The following NEK11 variants were observed in gnomAD, a reference collection of about 807,000 sequenced individuals.
The protein encoded by NEK11 is NIMA related kinase 11.
NEK11 carries 72 observed loss-of-function variants against 80.7 expected under a neutral mutation model. That is an observed-to-expected ratio of 0.89 (90% confidence interval 0.74 to 1.08). NEK11 has a LOEUF of 1.08. Among genes scored for constraint, NEK11 ranks in the 50% least tolerant of loss-of-function variants. NEK11 has a pLI of 0.00. For missense variants in NEK11, 764 were observed against 763.6 expected, an observed-to-expected ratio of 1.00 and a Z score of -0.01; for synonymous variants, 251 against 260.7, an observed-to-expected ratio of 0.96 and a Z score of 0.36.
At chr3:131,316,437 A>T (rs1410511837) in intron 17 of NEK11, among the ~76,000 whole-genome samples, 2 of 152,184 alleles carry the variant, frequency 1.3e-5, no homozygotes, top group Non-Finnish European at 2.9e-5. Flanking sequence ...AAGTGCCATC[A>T]TCCTAGGCAT....
chr3:131,062,068 C>A (rs1358500841), intron 3 of NEK11, among the ~76,000 whole-genome samples: 2 of 152,166 alleles, frequency 1.3e-5, no homozygotes, highest in Admixed American at 6.5e-5. Flanking sequence ...AAACAAACAA[C>A]AAATAAAACC....
chr3:131,330,712 A>T (rs1249285571), intron 17 of NEK11: 1 of 152,212 alleles, frequency 6.6e-6, no homozygotes, highest in African/African-American at 2.4e-5. Flanking sequence ...ACAGCACAAG[A>T]TTCCAACATG....
chr3:131,256,677 C>T (rs538456348), intron 16 of NEK11, among the ~76,000 whole-genome samples: 16 of 152,120 alleles, frequency 1.1e-4, no homozygotes, highest in South Asian at 4.1e-4. Context: ...TTTAGGAGGG[C>T]GTAACTGGAT....
chr3:131,046,560 G>A (rs1367431315), intron 3 of NEK11, among the ~76,000 whole-genome samples: 1 of 149,612 alleles, frequency 6.7e-6, no homozygotes, highest in Non-Finnish European at 1.5e-5. Flanking sequence ...TATGTATCTG[G>A]TTTCCAATAA....
chr3:131,156,839 A>C (rs2090728204), intron 10 of NEK11, among the ~76,000 whole-genome samples: 1 of 152,150 alleles, frequency 6.6e-6, no homozygotes, highest in Non-Finnish European at 1.5e-5. Context: ...GTGATTATTT[A>C]GCCTCTTTTT....
At chr3:131,084,722 T>A (rs1194793978) in intron 4 of NEK11, among the ~76,000 whole-genome samples, 1 of 152,132 alleles carries the variant, frequency 6.6e-6, no homozygotes, top group African/African-American at 2.4e-5. Flanking sequence ...ATTTTATCAA[T>A]GTAGTACTAG....
chr3:131,125,842 A>G (rs2083239712), intron 5 of NEK11, among the ~76,000 whole-genome samples: 1 of 152,226 alleles, frequency 6.6e-6, no homozygotes, highest in African/African-American at 2.4e-5. Flanking sequence ...GATGATATTA[A>G]TAGAAATGTG....
intron 3 of NEK11, among the ~76,000 whole-genome samples, chr3:131,063,543 G>C (rs1009223420): frequency 6.6e-6 from 1 of 152,194 alleles, no homozygotes; most frequent in Non-Finnish European, 1.5e-5. Context: ...AGGATACAGA[G>C]ATAGGATCAT....
intron 3 of NEK11, among the ~76,000 whole-genome samples, chr3:131,043,021 C>T (rs1032284861): frequency 6.6e-6 from 1 of 152,162 alleles, no homozygotes; most frequent in African/African-American, 2.4e-5. Flanking sequence ...AGAAGAGGGG[C>T]CTGACTGTTA....
intron 5 of NEK11, among the ~76,000 whole-genome samples, chr3:131,118,340 G>A (rs1017290992): frequency 2.6e-5 from 4 of 152,198 alleles, no homozygotes; most frequent in Admixed American, 2.0e-4. Context: ...GATCGTGGTG[G>A]ATAAGCTTCT....
intron 14 of NEK11, among the ~76,000 whole-genome samples, chr3:131,205,252 A>C (rs940008265): frequency 6.6e-6 from 1 of 152,230 alleles, no homozygotes; most frequent in Non-Finnish European, 1.5e-5. Context: ...ATAAGAAATG[A>C]AAGTGTTGGT....
In NEK11 at chr3:131,273,510, A is replaced by T. The variant is rs781507106; in HGVS notation, c.1654A>T (p.Met552Leu). The T allele has an allele frequency of 6.2e-7, 1 of 1,614,042 alleles. No individual in the cohort carries two copies. Reference sequence around the variant, plus strand: ...GACCATCACCACCATGGCTGAAGACATGTCCCCAGGACCACCAATTTTCAA... The same window carrying T: ...GACCATCACCACCATGGCTGAAGACTTGTCCCCAGGACCACCAATTTTCAA... ...TKTITTMAEDMSPGPPIFNSV... is the reference protein window; with the variant it reads ...TKTITTMAEDLSPGPPIFNSV... Residue 552 changes from methionine (M) to leucine (L), a missense_variant, in exon 17 of 18, where the codon ATG becomes TTG. Met to Leu is a conservative substitution (Grantham distance 15). Coordinates refer to ENST00000383366, the MANE Select transcript of NEK11 (RefSeq NM_024800.5).
At chr3:131,049,219 A>G (rs992071565) in intron 3 of NEK11, among the ~76,000 whole-genome samples, 7 of 152,256 alleles carry the variant, frequency 4.6e-5, no homozygotes, top group African/African-American at 1.4e-4. Flanking sequence ...TAGAATAACA[A>G]ATGGACCTCA....
intron 17 of NEK11, among the ~76,000 whole-genome samples, chr3:131,347,860 A>T (rs2097387584): frequency 6.6e-6 from 1 of 151,746 alleles, no homozygotes; most frequent in Non-Finnish European, 1.5e-5. Context: ...AATCGCTTGA[A>T]CCTGGGAGGC....
At chr3:131,292,141 T>C (rs2096550427) in intron 17 of NEK11, among the ~76,000 whole-genome samples, 1 of 152,242 alleles carries the variant, frequency 6.6e-6, no homozygotes, top group Non-Finnish European at 1.5e-5. Flanking sequence ...TGCATATGGA[T>C]GTACGGTTGT....
intron 15 of NEK11, among the ~76,000 whole-genome samples, chr3:131,235,619 T>C (rs1211498553): frequency 6.6e-6 from 1 of 152,146 alleles, no homozygotes; most frequent in Non-Finnish European, 1.5e-5. Context: ...ATGTCATCCC[T>C]GGGAAAACAC....
At chr3:131,251,237 G>A (rs146032825) in intron 16 of NEK11, among the ~76,000 whole-genome samples, 16 of 151,224 alleles carry the variant, frequency 1.1e-4, no homozygotes, top group Admixed American at 4.0e-4. Flanking sequence ...GTTGAATATG[G>A]TTGACTTTGG....
chr3:131,098,004 A>G (rs1378907447), intron 4 of NEK11, among the ~76,000 whole-genome samples: 2 of 145,558 alleles, frequency 1.4e-5, no homozygotes, highest in Non-Finnish European at 3.1e-5. Context: ...AATGCCGCAT[A>G]TCTACAACTA....
intron 12 of NEK11, among the ~76,000 whole-genome samples, chr3:131,166,841 C>A (rs146964954): frequency 1.3e-5 from 2 of 152,238 alleles, no homozygotes; most frequent in African/African-American, 4.8e-5. Flanking sequence ...AGGACTCAAG[C>A]CCCCTCTGAA....
Sources: gnomAD v4.1 joint callset for allele counts (sites outside exome capture counted in the v4.1 genomes callset) on GRCh38, gnomAD v4.1.1 for gene constraint, MANE v1.5 for transcripts, NCBI Gene and HGNC (gene_info 2026-07-23, HGNC 2026-07-21) for gene names.